The following NLGN1 variants were observed in gnomAD, a reference collection of about 807,000 sequenced individuals.
NLGN1 encodes the protein neuroligin 1, also known as neuroligin-1.
A neutral mutation model predicts 65.5 loss-of-function variants in NLGN1; 12 were observed. The observed-to-expected ratio is 0.18, with a 90% confidence interval of 0.12 to 0.30. The LOEUF (loss-of-function observed/expected upper bound fraction) is 0.30. Ranked by LOEUF, NLGN1 falls within the 10% of genes least tolerant of loss-of-function variation. NLGN1 has a pLI of 1.00. For synonymous variants in NLGN1, 350 were observed against 359.5 expected, an observed-to-expected ratio of 0.97 and a Z score of 0.30; for missense variants, 750 against 1,007.1, an observed-to-expected ratio of 0.74 and a Z score of 3.46.
At chr3:174,104,176 A>G (rs1012441904) in intron 4 of NLGN1, among the ~76,000 whole-genome samples, 1 of 151,882 alleles carries the variant, frequency 6.6e-6, no homozygotes, top group African/African-American at 2.4e-5. Flanking sequence ...TTCTGCAGTT[A>G]TTTAGTTACT....
intron 4 of NLGN1, among the ~76,000 whole-genome samples, chr3:173,828,392 T>C (rs550479023): frequency 6.6e-6 from 1 of 152,162 alleles, no homozygotes. Context: ...CCCTTCCAAA[T>C]GATAAAGGCA....
At chr3:173,761,512 G>A (rs1341787842) in intron 3 of NLGN1, among the ~76,000 whole-genome samples, 2 of 151,888 alleles carry the variant, frequency 1.3e-5, no homozygotes, top group Non-Finnish European at 2.9e-5. Flanking sequence ...CTGATGAGGC[G>A]GGTAGATTAG....
intron 3 of NLGN1, among the ~76,000 whole-genome samples, chr3:173,665,493 T>C (rs1356594777): frequency 1.3e-5 from 2 of 152,162 alleles, no homozygotes; most frequent in African/African-American, 4.8e-5. Flanking sequence ...GGCACAACTG[T>C]CGAGCCATTT....
At chr3:173,812,759 GTA>G (rs63429660) in intron 4 of NLGN1, among the ~76,000 whole-genome samples, 6,049 of 144,066 alleles carry the variant, frequency 0.042, 131 homozygotes, top group Middle Eastern at 0.053. Flanking sequence ...GTGTGTGCGT[GTA>G]TATATATATA....
At chr3:173,695,869 G>A (rs1766140159) in intron 3 of NLGN1, among the ~76,000 whole-genome samples, 1 of 152,192 alleles carries the variant, frequency 6.6e-6, no homozygotes, top group African/African-American at 2.4e-5. Context: ...AGCATATATT[G>A]GTGCTATCAT....
chr3:173,907,553 G>T (rs116106178), intron 4 of NLGN1, among the ~76,000 whole-genome samples: 2 of 149,196 alleles, frequency 1.3e-5, no homozygotes, highest in East Asian at 2.0e-4. Flanking sequence ...AGGAGAAGGC[G>T]TATCTTAGAT....
intron 4 of NLGN1, among the ~76,000 whole-genome samples, chr3:173,895,439 G>A (rs74616718): frequency 6.6e-6 from 1 of 152,044 alleles, no homozygotes; most frequent in African/African-American, 2.4e-5. Flanking sequence ...GCAAAGAGAA[G>A]CCAAAATATG....
intron 4 of NLGN1, among the ~76,000 whole-genome samples, chr3:173,846,519 A>T (rs181450521): frequency 9.9e-5 from 15 of 152,224 alleles, no homozygotes; most frequent in Admixed American, 9.8e-4. Flanking sequence ...CCACCAAAAT[A>T]AGCTGCATGT....
At chr3:174,013,666 C>G (rs1311554998) in intron 4 of NLGN1, among the ~76,000 whole-genome samples, 1 of 152,120 alleles carries the variant, frequency 6.6e-6, no homozygotes, top group Non-Finnish European at 1.5e-5. Context: ...TAAATATCGA[C>G]TTTTCTCTTG....
chr3:173,645,948 C>T (rs1758195165), intron 3 of NLGN1, among the ~76,000 whole-genome samples: 1 of 152,162 alleles, frequency 6.6e-6, no homozygotes, highest in Non-Finnish European at 1.5e-5. Context: ...CTGCCACACT[C>T]ATGGGCATTG....
At chr3:173,724,894 G>A (rs1020444135) in intron 3 of NLGN1, among the ~76,000 whole-genome samples, 1 of 152,146 alleles carries the variant, frequency 6.6e-6, no homozygotes, top group Non-Finnish European at 1.5e-5. Context: ...GGACATGGAC[G>A]AAGCTGAAAC....
At chr3:173,846,079 C>A (rs938072830) in intron 4 of NLGN1, among the ~76,000 whole-genome samples, 2 of 152,116 alleles carry the variant, frequency 1.3e-5, no homozygotes, top group African/African-American at 4.8e-5. Flanking sequence ...CCACTCCTGG[C>A]TAGGATGGTG....
chr3:173,828,691 G>A (rs1721851923), intron 4 of NLGN1, among the ~76,000 whole-genome samples: 2 of 152,148 alleles, frequency 1.3e-5, no homozygotes, highest in Non-Finnish European at 2.9e-5. Flanking sequence ...TTATAGTAGG[G>A]TAGCCAGAGA....
chr3:173,579,164 C>A (rs1745999270), intron 2 of NLGN1, among the ~76,000 whole-genome samples: 1 of 152,174 alleles, frequency 6.6e-6, no homozygotes. Context: ...AGCCCCATTT[C>A]AAAAGTGGCA....
chr3:173,920,192 T>C (rs1481446408), intron 4 of NLGN1, among the ~76,000 whole-genome samples: 1 of 151,968 alleles, frequency 6.6e-6, no homozygotes, highest in Non-Finnish European at 1.5e-5. Context: ...GGATTATCTC[T>C]TATGGTTATC....
In NLGN1 at chr3:173,722,918, G is replaced by A. The variant is rs117276598; in HGVS notation, c.494-84762G>A. 9.1e-4 allele frequency among the ~76,000 whole-genome samples: 138 copies of A among 152,252 alleles called. 1 individual carries two copies. In the East Asian group the frequency reaches 0.022, roughly 24 times the overall value. ...TGAAAGAAAAATAAAAATATAAAAC[G>A]TGGAAAAATTAATTTGAGATGGGCA... On this transcript the variant is annotated intron_variant, in intron 3 of 6. Coordinates refer to ENST00000457714, the Ensembl canonical transcript of NLGN1.
intron 2 of NLGN1, among the ~76,000 whole-genome samples, chr3:173,479,962 G>C (rs778907228): frequency 1.1e-4 from 17 of 152,118 alleles, no homozygotes; most frequent in Non-Finnish European, 1.9e-4. Context: ...AGACGATGAT[G>C]ATTTCCAACT....
intron 4 of NLGN1, among the ~76,000 whole-genome samples, chr3:173,842,394 T>C (rs1261536132): frequency 6.6e-6 from 1 of 152,104 alleles, no homozygotes; most frequent in Non-Finnish European, 1.5e-5. Flanking sequence ...ATGTCTTAAT[T>C]CATTTCACCA....
At chr3:173,993,692 A>ATAGATAGATAGT (rs1378010476) in intron 4 of NLGN1, among the ~76,000 whole-genome samples, 1 of 151,704 alleles carries the variant, frequency 6.6e-6, no homozygotes, top group Admixed American at 6.6e-5. Context: ...AGATAGATAG[A>ATAGATAGATAGT]TAGTTCAGGA....
Sources: allele counts gnomAD v4.1 joint callset (sites outside exome capture counted in the v4.1 genomes callset), GRCh38; gene constraint gnomAD v4.1.1; transcripts MANE v1.5; gene names NCBI Gene and HGNC (gene_info 2026-07-23, HGNC 2026-07-21).